ROR1: variants seen among roughly 807,000 people sequenced by gnomAD.
ROR1 encodes the protein inactive tyrosine-protein kinase transmembrane receptor ROR1.
A neutral mutation model predicts 78.8 loss-of-function variants in ROR1; 19 were observed. The observed-to-expected ratio is 0.24, with a 90% CI of 0.17 to 0.35. ROR1 has a LOEUF of 0.35. Ranked by LOEUF, ROR1 falls within the 10% of genes least tolerant of loss-of-function variation. The pLI, the probability that ROR1 is intolerant of heterozygous loss-of-function variation, is 1.00. For synonymous variants in ROR1, 386 were observed against 433.6 expected (o/e 0.89, Z 1.36); for missense variants, 917 against 1,177.8 (o/e 0.78, Z 3.24).
At chr1:63,809,104 A>G (rs1309671772) in intron 1 of ROR1, among the ~76,000 whole-genome samples, 1 of 152,200 alleles carries the variant, frequency 6.6e-6, no homozygotes, top group African/African-American at 2.4e-5. Flanking sequence ...CTTTGGGGCC[A>G]CAGCCAATTC....
intron 1 of ROR1, among the ~76,000 whole-genome samples, chr1:63,995,458 C>T (rs565147405): frequency 1.7e-4 from 26 of 152,278 alleles, no homozygotes; most frequent in Non-Finnish European, 3.2e-4. Context: ...GGCAGTTCTC[C>T]GTAGCGCTTC....
At position 63,959,246 on chromosome 1, in the gene ROR1, A is replaced by G. The variant is rs115179105; in HGVS notation, c.92-50059A>G. On this transcript the variant is annotated intron_variant, in intron 1 of 8. Coordinates refer to ENST00000371079, the MANE Select transcript of ROR1 (RefSeq NM_005012.4). Reference sequence around the variant, plus strand: ...CACTCACTGTCATGAGAAGAGCAGGAGGGTAACCACCCCCATGATTCAATT... The same window carrying G: ...CACTCACTGTCATGAGAAGAGCAGGGGGGTAACCACCCCCATGATTCAATT... Among the ~76,000 whole-genome samples, 863 of 152,284 alleles carry G rather than the reference A, an allele frequency of 5.7e-3. 7 individuals are homozygous for G. Among genetic ancestry groups the G allele is most frequent in the African/African-American group, 0.02 (834 of 41,552 alleles).
At chr1:63,984,818 A>C (rs1262963990) in intron 1 of ROR1, among the ~76,000 whole-genome samples, 1 of 152,224 alleles carries the variant, frequency 6.6e-6, no homozygotes, top group Non-Finnish European at 1.5e-5. Context: ...TTTGGTTTCC[A>C]TAGTAACACA....
chr1:64,042,782 T>C (rs865934052), intron 2 of ROR1, among the ~76,000 whole-genome samples: 2 of 152,224 alleles, frequency 1.3e-5, no homozygotes, highest in South Asian at 2.1e-4. Flanking sequence ...TTTATTAAGA[T>C]AAAAAATATT....
intron 2 of ROR1, among the ~76,000 whole-genome samples, chr1:64,016,182 A>G (rs915808547): frequency 2.6e-5 from 4 of 152,098 alleles, no homozygotes; most frequent in Admixed American, 2.0e-4. Flanking sequence ...GGAGGCATCA[A>G]TCCTTGTTCT....
intron 1 of ROR1, among the ~76,000 whole-genome samples, chr1:63,786,172 A>G (rs181761245): frequency 6.6e-6 from 1 of 151,830 alleles, no homozygotes; most frequent in African/African-American, 2.4e-5. Context: ...TCCAGGACTT[A>G]ACACTGATTA....
rs1273423128 is a variant in ROR1 at position 64,156,475 on chromosome 1, G to A, written c.1175-2506G>A. 3.9e-5 allele frequency among the ~76,000 whole-genome samples: 6 copies of A among 152,168 alleles called. No homozygotes were observed. In the South Asian group the frequency reaches 1.2e-3, roughly 32 times the overall value. ...TGTAATCCCAGCACTTTGGGAGGCC[G>A]AGGCAGGCGGATCACGAGGTCAAGA... On this transcript the variant is annotated intron_variant, in intron 7 of 8. Transcript: ENST00000371079.
At chr1:64,034,387 AT>A (rs1481667432) in intron 2 of ROR1, among the ~76,000 whole-genome samples, 2 of 152,044 alleles carry the variant, frequency 1.3e-5, no homozygotes, top group Non-Finnish European at 2.9e-5. Flanking sequence ...TTATTTCAGA[AT>A]TTTTGTTTCT....
At chr1:64,176,868 G>A (rs1268259050) in intron 8 of ROR1, among the ~76,000 whole-genome samples, 1 of 152,196 alleles carries the variant, frequency 6.6e-6, no homozygotes, top group Non-Finnish European at 1.5e-5. Flanking sequence ...AAAAGTATTA[G>A]GCAAGAATGT....
chr1:64,116,475 C>T lies in ROR1; in HGVS notation c.483-20894C>T, dbSNP rs376869433. On this transcript the variant is annotated intron_variant, in intron 4 of 8. Transcript: ENST00000371079. ...AATACCCCTTTTTAAATGAGTATTA[C>T]CTCAAAAAGTATAGCTCTTTTACGA... Among the ~76,000 whole-genome samples the T allele has an allele frequency of 9.2e-5, 14 of 152,230 alleles. No homozygotes were observed. The East Asian group carries it at 2.1e-3, about 23-fold the overall frequency.
intron 8 of ROR1, among the ~76,000 whole-genome samples, chr1:64,160,637 T>C (rs1382774933): frequency 6.6e-6 from 1 of 152,228 alleles, no homozygotes; most frequent in Non-Finnish European, 1.5e-5. Context: ...TCCTTACTAC[T>C]TAGTGCTACT....
intron 4 of ROR1, among the ~76,000 whole-genome samples, chr1:64,082,041 T>C (rs1486251777): frequency 6.6e-6 from 1 of 152,182 alleles, no homozygotes; most frequent in Non-Finnish European, 1.5e-5. Context: ...TTTACAGCTG[T>C]AGACAGAACT....
chr1:63,947,247 G>A (rs1382274462), intron 1 of ROR1, among the ~76,000 whole-genome samples: 1 of 152,260 alleles, frequency 6.6e-6, no homozygotes, highest in Non-Finnish European at 1.5e-5. Context: ...GTTAATCATC[G>A]CACTGGCAGG....
chr1:63,951,709 C>A (rs1319468719), intron 1 of ROR1, among the ~76,000 whole-genome samples: 3 of 149,794 alleles, frequency 2.0e-5, no homozygotes, highest in African/African-American at 7.6e-5. Context: ...CTTAAAGACA[C>A]CCCCCCCTCA....
At chr1:63,776,555 A>G (rs1408380541) in intron 1 of ROR1, among the ~76,000 whole-genome samples, 2 of 152,106 alleles carry the variant, frequency 1.3e-5, no homozygotes, top group Non-Finnish European at 2.9e-5. Context: ...GTCTTTCCAT[A>G]CAATGTCTGG....
intron 1 of ROR1, among the ~76,000 whole-genome samples, chr1:63,819,258 T>C (rs1243313059): frequency 6.6e-6 from 1 of 152,228 alleles, no homozygotes; most frequent in Non-Finnish European, 1.5e-5. Context: ...TTTCTTTTCA[T>C]GGTAGGATCA....
intron 1 of ROR1, among the ~76,000 whole-genome samples, chr1:63,790,614 G>A (rs1378073990): frequency 6.6e-6 from 1 of 152,138 alleles, no homozygotes; most frequent in Non-Finnish European, 1.5e-5. Context: ...TTTTCGTGTG[G>A]ACTGTGTTTG....
At chr1:64,143,205 T>A in intron 7 of ROR1, 28 of 989,770 alleles carry the variant, frequency 2.8e-5, no homozygotes, top group Non-Finnish European at 3.2e-5. Context: ...TGTTCCTTTT[T>A]CTAGAAAATG....
chr1:64,126,085 A>T (rs1038227914), intron 4 of ROR1, among the ~76,000 whole-genome samples: 14 of 152,200 alleles, frequency 9.2e-5, no homozygotes, highest in African/African-American at 3.4e-4. Flanking sequence ...CTTAAAGGAG[A>T]TAAGACTGAA....
Sources: allele counts gnomAD v4.1 joint callset (sites outside exome capture counted in the v4.1 genomes callset), GRCh38; gene constraint gnomAD v4.1.1; transcripts MANE v1.5; gene names NCBI Gene and HGNC (gene_info 2026-07-23, HGNC 2026-07-21).